Variants in RABGEF1 observed in about 807,000 individuals in gnomAD.
The protein encoded by RABGEF1 is rab5 GDP/GTP exchange factor.
RABGEF1 carries 26 observed loss-of-function variants against 57.3 expected under a neutral mutation model. That is an observed-to-expected ratio of 0.45 (90% CI 0.33 to 0.63). The LOEUF is 0.63. Among genes scored for constraint, RABGEF1 ranks in the 20% least tolerant of loss-of-function variants. The pLI is 0.02. For missense variants in RABGEF1, 464 were observed against 607.6 expected (o/e 0.76, Z 2.48); for synonymous variants, 185 against 210.7 (o/e 0.88, Z 1.06).
chr7:66,740,708 G>C (rs1269264045), upstream of RABGEF1: 2 of 152,404 alleles, frequency 1.3e-5, no homozygotes, highest in African/African-American at 4.8e-5. Flanking sequence ...GGGTGGGTGT[G>C]AGGCGGGAGC....
At chr7:66,682,042 C>T (rs568598017), upstream of RABGEF1, 14 of 165,842 alleles carry the variant, frequency 8.4e-5, no homozygotes, top group South Asian at 2.0e-4. Flanking sequence ...CACTTCCTCC[C>T]GTCATCAGCC....
At chr7:66,760,636 G>A (rs1804083416) in intron 1 of RABGEF1, among the ~76,000 whole-genome samples, 1 of 152,022 alleles carries the variant, frequency 6.6e-6, no homozygotes, top group Admixed American at 6.6e-5. Flanking sequence ...TAGAGATGGA[G>A]TTTCACTGTG....
intron 2 of RABGEF1, among the ~76,000 whole-genome samples, chr7:66,729,313 C>G (rs559506441): frequency 6.6e-6 from 1 of 151,630 alleles, no homozygotes; most frequent in African/African-American, 2.4e-5. Flanking sequence ...CTCCATTCTT[C>G]GTTCCTCATC....
rs1249867447 is a variant in RABGEF1 at position 66,700,091 on chromosome 7, A to G, written c.-872-12076A>G. 4.6e-5 allele frequency among the ~76,000 whole-genome samples: 7 copies of G among 152,308 alleles called. No individual in the cohort carries two copies. In the East Asian group the frequency reaches 1.2e-3, roughly 25 times the overall value. On this transcript the variant is annotated intron_variant and NMD_transcript_variant, in intron 1 of 9. Coordinates refer to the RABGEF1 transcript ENST00000607882. ...AGAGCCCCTGCTGGAGAGGGACAAG[A>G]GTCCTCAGCCCTGAGCATCACTGAG...
At chr7:66,699,692 A>C (rs1362205163) in intron 1 of RABGEF1, among the ~76,000 whole-genome samples, 7 of 40,178 alleles carry the variant, frequency 1.7e-4, no homozygotes, top group Non-Finnish European at 4.2e-4. Context: ...ATTCCATCTC[A>C]AAAAAAAAAA....
At chr7:66,736,872 C>G (rs1412822988), upstream of RABGEF1, among the ~76,000 whole-genome samples, 1 of 151,986 alleles carries the variant, frequency 6.6e-6, no homozygotes, top group African/African-American at 2.4e-5. Flanking sequence ...AAAAACAAAA[C>G]AAAACAAAGT....
chr7:66,707,521 C>G (rs1447861174), intron 1 of RABGEF1, among the ~76,000 whole-genome samples: 1 of 152,080 alleles, frequency 6.6e-6, no homozygotes, highest in Admixed American at 6.6e-5. Context: ...AACCCTGTCT[C>G]TACTAAAAAT....
chr7:66,661,329 CTG>C, the RABGEF1 span, among the ~76,000 whole-genome samples: 1 of 142,662 alleles, frequency 7.0e-6, no homozygotes, highest in Non-Finnish European at 1.5e-5. Flanking sequence ...GAGGGCGTTA[CTG>C]TGACTTTACA....
At chr7:66,788,068 A>T (rs1811636077) in intron 4 of RABGEF1, among the ~76,000 whole-genome samples, 1 of 152,192 alleles carries the variant, frequency 6.6e-6, no homozygotes, top group African/African-American at 2.4e-5. Context: ...CTGAAAGTGT[A>T]GCTTGTCCTG....
In RABGEF1 at chr7:66,810,060, C is replaced by G. The variant is rs901159915; in HGVS notation, c.*776C>G. The G allele has an allele frequency of 3.3e-5, 5 of 152,190 alleles. No homozygotes were observed. The highest frequency in any genetic ancestry group is 3.8e-4 in the East Asian group (2 of 5,200). 9.4% of individuals were successfully genotyped at this position (152,190 alleles called of 1,614,324 possible). ...GCTTCTAGCTTATTTTTCCCTCATT[C>G]ATTCAGCAAATCTCTATTGAGTTCT... On this transcript the variant is annotated 3_prime_UTR_variant, in exon 9 of 9. Transcript: ENST00000284957.
chr7:66,799,100 C>T (rs964207390), intron 6 of RABGEF1, among the ~76,000 whole-genome samples: 1 of 152,216 alleles, frequency 6.6e-6, no homozygotes, highest in Non-Finnish European at 1.5e-5. Flanking sequence ...TTTCAGTCAG[C>T]AAGATGGCCT....
At chr7:66,680,416 G>T (rs1789618756), upstream of RABGEF1, among the ~76,000 whole-genome samples, 1 of 151,780 alleles carries the variant, frequency 6.6e-6, no homozygotes. Flanking sequence ...AGCTAATTTT[G>T]TATTTTTAGT....
chr7:66,779,777 G>T (rs942600444), intron 3 of RABGEF1, among the ~76,000 whole-genome samples: 9 of 151,820 alleles, frequency 5.9e-5, no homozygotes, highest in Admixed American at 5.2e-4. Context: ...CGTGGATGAG[G>T]TTGTTCTTTT....
intron 1 of RABGEF1, among the ~76,000 whole-genome samples, chr7:66,696,587 G>A (rs190541391): frequency 6.6e-6 from 1 of 151,898 alleles, no homozygotes; most frequent in African/African-American, 2.4e-5. Flanking sequence ...CTATTTGGGA[G>A]GCTGAGGCAG....
the RABGEF1 span, among the ~76,000 whole-genome samples, chr7:66,674,951 C>CTATA: frequency 6.0e-5 from 9 of 148,938 alleles, no homozygotes; most frequent in South Asian, 8.5e-4. Context: ...AATTATAAAA[C>CTATA]TATATATATA....
intron 1 of RABGEF1, among the ~76,000 whole-genome samples, chr7:66,765,249 G>A (rs1222421268): frequency 6.6e-6 from 1 of 151,832 alleles, no homozygotes; most frequent in Non-Finnish European, 1.5e-5. Context: ...GTACGTGGCA[G>A]AGCTGGGGTT....
chr7:66,753,630 G>GGATTTCTTCCAGTGGATCCC (rs1164661375), intron 1 of RABGEF1, among the ~76,000 whole-genome samples: 2 of 148,526 alleles, frequency 1.3e-5, no homozygotes, highest in Non-Finnish European at 3.0e-5. Flanking sequence ...GCTCTCCCTG[G>GGATTTCTTCCAGTGGATCCC]TATTTCTTCC....
chr7:66,671,653 AT>A, the RABGEF1 span, among the ~76,000 whole-genome samples: 1 of 152,128 alleles, frequency 6.6e-6, no homozygotes, highest in African/African-American at 2.4e-5. Flanking sequence ...GAAAAACACA[AT>A]GTCAACAACA....
Position 66,771,943 on chromosome 7 carries a change from C to G in RABGEF1, c.44C>G (p.Ser15Trp). 1 of 1,580,140 alleles carries G rather than the reference C, an allele frequency of 6.3e-7. No homozygotes were observed. Among genetic ancestry groups the G allele is most frequent in the Non-Finnish European group, 8.6e-7 (1 of 1,163,524 alleles). ...SERRGIHVDQ[S>W]DLLCKKGCGY... ...CGCCGAGGAATTCATGTGGATCAAT[C>G]GGATCTCCTGTGCAAGAAAGGATGT... Residue 15 changes from serine to tryptophan, a missense_variant, in exon 2 of 9, where the codon TCG becomes TGG. By Grantham distance (177) the Ser-to-Trp change is radical (BLOSUM62 -3). Around this residue, in one of 4 missense-constraint regions of RABGEF1, gnomAD observed 17 missense variants for 19.4 expected, o/e 0.88. Coordinates refer to ENST00000284957, the MANE Select transcript of RABGEF1 (RefSeq NM_014504.3).
Sources: gnomAD v4.1 joint callset for allele counts (sites outside exome capture counted in the v4.1 genomes callset) on GRCh38, gnomAD v4.1.1 for gene constraint, gnomAD v4.1.1 regional missense constraint, MANE v1.5 for transcripts, NCBI Gene and HGNC (gene_info 2026-07-23, HGNC 2026-07-21) for gene names.